Variants in CFAP54 observed in about 807,000 individuals in gnomAD.
CFAP54 encodes the protein cilia- and flagella-associated protein 54.
Under a neutral mutation model 370.4 loss-of-function variants are expected in CFAP54, and 290 were observed. That is an observed-to-expected ratio of 0.78 (90% confidence interval 0.71 to 0.86). The LOEUF (loss-of-function observed/expected upper bound fraction) is 0.86, where lower values mean the gene tolerates loss of function less well. CFAP54 is among the 40% of genes least tolerant of loss of function. CFAP54 has a pLI of 0.00. For missense variants in CFAP54, 3,399 were observed against 3,528.7 expected (o/e 0.96, Z 0.93); for synonymous variants, 1,206 against 1,236.5 (o/e 0.98, Z 0.52).
At chr12:96,637,027 A>C (rs1956670418) in intron 32 of CFAP54, among the ~76,000 whole-genome samples, 1 of 152,192 alleles carries the variant, frequency 6.6e-6, no homozygotes, top group South Asian at 2.1e-4. Flanking sequence ...GAAACCCGGC[A>C]CCCCTTAACT....
At chr12:96,837,799 G>A (rs756863685) in intron 66 of CFAP54, among the ~76,000 whole-genome samples, 6 of 152,182 alleles carry the variant, frequency 3.9e-5, no homozygotes, top group Non-Finnish European at 8.8e-5. Flanking sequence ...AGGTCCTGGG[G>A]TACAGAAGTA....
chr12:96,644,155 A>G, intron 32 of CFAP54, 23 bp from the exon 33 acceptor site: 1 of 1,465,668 alleles, frequency 6.8e-7, no homozygotes, highest in Non-Finnish European at 9.1e-7. Flanking sequence ...GTGTAATTTC[A>G]AAACTTCTTT....
At chr12:96,493,791 C>G (rs11108544) in intron 1 of CFAP54, among the ~76,000 whole-genome samples, 43,542 of 151,864 alleles carry the variant, frequency 0.29, 6,615 homozygotes, top group South Asian at 0.41. Context: ...GAGTGAGACT[C>G]CGTCTCAAAC....
At chr12:96,508,581 C>T (rs542038121) in intron 4 of CFAP54, among the ~76,000 whole-genome samples, 62 of 146,448 alleles carry the variant, frequency 4.2e-4, no homozygotes, top group East Asian at 1.0e-3. Flanking sequence ...CCACCATGCC[C>T]GGCCTCTCAA....
intron 17 of CFAP54, among the ~76,000 whole-genome samples, chr12:96,559,990 T>G (rs2136406177): frequency 6.6e-6 from 1 of 152,264 alleles, no homozygotes; most frequent in East Asian, 1.9e-4. Context: ...TAGTTTTACA[T>G]TTTTAATTGG....
chr12:96,819,100 A>G (rs1054805612), intron 65 of CFAP54, among the ~76,000 whole-genome samples: 3 of 152,168 alleles, frequency 2.0e-5, no homozygotes, highest in Admixed American at 2.0e-4. Context: ...AGAGGCAACC[A>G]CTTTCCACTT....
intron 65 of CFAP54, among the ~76,000 whole-genome samples, chr12:96,826,178 C>G (rs1158478448): frequency 6.9e-6 from 1 of 145,538 alleles, no homozygotes. Flanking sequence ...GAACTCAAAG[C>G]CCCAAAACTC....
chr12:96,648,580 CTTTTTTTTTTTTTTT>C (rs11303164), intron 34 of CFAP54, among the ~76,000 whole-genome samples: 4 of 58,666 alleles, frequency 6.8e-5, no homozygotes, highest in Non-Finnish European at 1.2e-4. Context: ...AAACAGGGTT[CTTTTTTTTTTTTTTT>C]TTTTTTTTTT....
Position 96,489,728 on chromosome 12 carries a change from G to A in CFAP54, c.119G>A (p.Gly40Glu). The A allele has an allele frequency of 6.5e-7, 1 of 1,536,082 alleles. No individual in the cohort carries two copies. Among genetic ancestry groups the A allele is most frequent in the Non-Finnish European group, 8.7e-7 (1 of 1,146,900 alleles). ...TCGAGGTCGCCCCCAGAGTCGAAGG[G>A]GAGCTCCCGGAGCTCGCTGCTTCAG... is the stretch of plus-strand genomic sequence containing the variant. ...ATSRSPPESK[G>E]SSRSSLLQWT... Residue 40 changes from glycine to glutamate, a missense_variant, in exon 1 of 68, where the codon GGG (glycine) becomes GAG (glutamate). Gly to Glu is a moderately conservative substitution (Grantham distance 98). Coordinates refer to ENST00000524981, the MANE Select transcript of CFAP54 (RefSeq NM_001306084.2).
chr12:96,820,133 C>T (rs990668802), intron 65 of CFAP54, among the ~76,000 whole-genome samples: 1 of 152,188 alleles, frequency 6.6e-6, no homozygotes, highest in East Asian at 1.9e-4. Context: ...TCTTGCCTCA[C>T]TCTGCTGATA....
intron 65 of CFAP54, among the ~76,000 whole-genome samples, chr12:96,826,873 A>G (rs1241122573): frequency 8.3e-6 from 1 of 120,582 alleles, no homozygotes. Flanking sequence ...TAATATTATG[A>G]TATATTATAT....
At chr12:96,601,594 T>G (rs1001914976) in intron 26 of CFAP54, among the ~76,000 whole-genome samples, 1 of 152,216 alleles carries the variant, frequency 6.6e-6, no homozygotes, top group African/African-American at 2.4e-5. Flanking sequence ...CTGGACTTTT[T>G]TTTGGTTGGT....
chr12:96,819,901 G>C (rs1383112561), intron 65 of CFAP54, among the ~76,000 whole-genome samples: 2 of 152,080 alleles, frequency 1.3e-5, no homozygotes. Context: ...CCTGCTTCTG[G>C]GCCCTCCTTG....
chr12:96,817,218 G>A (rs145779699), intron 64 of CFAP54, among the ~76,000 whole-genome samples: 82 of 151,820 alleles, frequency 5.4e-4, no homozygotes, highest in African/African-American at 2.0e-3. Context: ...CTTTTTTATT[G>A]TGCTTTTGCA....
intron 8 of CFAP54, among the ~76,000 whole-genome samples, chr12:96,524,841 A>G (rs559935106): frequency 2.0e-5 from 3 of 152,318 alleles, no homozygotes; most frequent in South Asian, 2.1e-4. Flanking sequence ...ATAAGATAAT[A>G]TATCCTATGC....
intron 66 of CFAP54, among the ~76,000 whole-genome samples, chr12:96,833,504 G>A (rs867185150): frequency 6.8e-4 from 62 of 91,432 alleles, no homozygotes; most frequent in African/African-American, 2.0e-3. Context: ...TTACACACGC[G>A]TACGTGTGTG....
chr12:96,739,745 G>A (rs886597634), intron 50 of CFAP54, among the ~76,000 whole-genome samples: 1 of 152,128 alleles, frequency 6.6e-6, no homozygotes, highest in Non-Finnish European at 1.5e-5. Context: ...CAAATTAGCT[G>A]TGAAGCAATA....
intron 6 of CFAP54, among the ~76,000 whole-genome samples, chr12:96,519,841 A>G (rs759245305): frequency 1.6e-4 from 24 of 152,218 alleles, no homozygotes; most frequent in Non-Finnish European, 2.4e-4. Flanking sequence ...ATTGTTAACT[A>G]TGATCACCAT....
At chr12:96,618,892 GTT>G (rs1317910002) in intron 26 of CFAP54, among the ~76,000 whole-genome samples, 2 of 152,056 alleles carry the variant, frequency 1.3e-5, no homozygotes, top group East Asian at 3.9e-4. Context: ...CTGAATGTGT[GTT>G]TGTTTGTTTG....
Sources: gnomAD v4.1 joint callset for allele counts (sites outside exome capture counted in the v4.1 genomes callset) on GRCh38, gnomAD v4.1.1 for gene constraint, MANE v1.5 for transcripts, NCBI Gene and HGNC (gene_info 2026-07-23, HGNC 2026-07-21) for gene names.